The following BRD10 variants were observed in gnomAD, a reference collection of about 807,000 sequenced individuals.
BRD10 encodes bromodomain containing 10, also known as uncharacterized bromodomain-containing protein 10.
chr9:5,976,014 T>C, the BRD10 span, among the ~76,000 whole-genome samples: 2 of 152,056 alleles, frequency 1.3e-5, no homozygotes, highest in East Asian at 1.9e-4. Context: ...TAATGCCAAA[T>C]GGAAAAATCA....
chr9:5,976,212 G>A, the BRD10 span, among the ~76,000 whole-genome samples: 3 of 151,908 alleles, frequency 2.0e-5, no homozygotes, highest in African/African-American at 4.8e-5. Context: ...AAATAAGTCT[G>A]AAATCAATTT....
At chr9:5,985,795 A>T in the BRD10 span, among the ~76,000 whole-genome samples, 1 of 148,030 alleles carries the variant, frequency 6.8e-6, no homozygotes, top group Admixed American at 6.8e-5. Flanking sequence ...CAAAAAAAAT[A>T]AATAAATAAA....
At chr9:5,880,537 A>G in the BRD10 span, among the ~76,000 whole-genome samples, 2 of 151,822 alleles carry the variant, frequency 1.3e-5, no homozygotes, top group Non-Finnish European at 2.9e-5. Context: ...AAAACAAAAA[A>G]CAAACAAACA....
chr9:6,006,913 T>C, the BRD10 span, among the ~76,000 whole-genome samples: 1 of 152,198 alleles, frequency 6.6e-6, no homozygotes, highest in Non-Finnish European at 1.5e-5. Context: ...GTGCAATTCT[T>C]CCTACGGGAC....
the BRD10 span, among the ~76,000 whole-genome samples, chr9:5,893,421 G>C: frequency 6.6e-6 from 1 of 152,182 alleles, no homozygotes; most frequent in African/African-American, 2.4e-5. Context: ...AACAATCTTT[G>C]TTAACAGTCA....
At chr9:5,923,181 A>C in the BRD10 span, 255 of 1,613,944 alleles carry the variant, frequency 1.6e-4, 1 homozygote, top group Non-Finnish European at 1.9e-4. Flanking sequence ...TCATCCACAT[A>C]ATCAGTTTGT....
At chr9:5,902,566 G>A in the BRD10 span, among the ~76,000 whole-genome samples, 4 of 151,650 alleles carry the variant, frequency 2.6e-5, no homozygotes, top group East Asian at 7.7e-4. Flanking sequence ...CTGGGCTCAA[G>A]CACTCCAATC....
the BRD10 span, chr9:6,008,036 T>C: frequency 8.8e-7 from 1 of 1,137,264 alleles, no homozygotes; most frequent in Non-Finnish European, 1.1e-6. Flanking sequence ...TCCTCTCCCC[T>C]CCCCCCCGGC....
chr9:5,916,617 C>T, the BRD10 span, among the ~76,000 whole-genome samples: 1 of 151,056 alleles, frequency 6.6e-6, no homozygotes, highest in African/African-American at 2.4e-5. Flanking sequence ...AAAGGAAAAA[C>T]TTTTTGTGAG....
At chr9:5,952,544 G>C in the BRD10 span, among the ~76,000 whole-genome samples, 1 of 152,150 alleles carries the variant, frequency 6.6e-6, no homozygotes, top group African/African-American at 2.4e-5. Flanking sequence ...GCTTAAAAAA[G>C]AAACACTGGT....
At chr9:5,996,982 T>C in the BRD10 span, among the ~76,000 whole-genome samples, 1 of 152,200 alleles carries the variant, frequency 6.6e-6, no homozygotes, top group Admixed American at 6.5e-5. Flanking sequence ...TACCTTGGCT[T>C]CCTGTCCCTG....
the BRD10 span, among the ~76,000 whole-genome samples, chr9:5,995,711 G>C: frequency 6.6e-6 from 1 of 152,166 alleles, no homozygotes; most frequent in Non-Finnish European, 1.5e-5. Context: ...TTAAGAACTT[G>C]AATTGGACTT....
chr9:5,993,859 T>A, the BRD10 span, among the ~76,000 whole-genome samples: 1 of 152,152 alleles, frequency 6.6e-6, no homozygotes, highest in Non-Finnish European at 1.5e-5. Context: ...AAATGGAGAT[T>A]AACAGCACAG....
the BRD10 span, among the ~76,000 whole-genome samples, chr9:5,904,125 T>C: frequency 2.0e-5 from 3 of 152,220 alleles, no homozygotes; most frequent in African/African-American, 7.2e-5. Context: ...CCCAAAGTGC[T>C]TGGGATTACA....
chr9:5,922,939 G>T, the BRD10 span: 20 of 1,613,856 alleles, frequency 1.2e-5, no homozygotes, highest in Admixed American at 3.3e-5. Context: ...GATTTGTTAA[G>T]GTCACTTTAT....
the BRD10 span, among the ~76,000 whole-genome samples, chr9:5,912,023 A>G: frequency 1.3e-5 from 2 of 152,220 alleles, no homozygotes; most frequent in Non-Finnish European, 2.9e-5. Context: ...ATCTGTAAAC[A>G]TTGAATATCT....
chr9:5,983,476 C>CTT, the BRD10 span, among the ~76,000 whole-genome samples: 1 of 151,826 alleles, frequency 6.6e-6, no homozygotes, highest in Admixed American at 6.6e-5. Context: ...AGGAGAAAAA[C>CTT]AACAGAAAGA....
the BRD10 span, among the ~76,000 whole-genome samples, chr9:5,996,299 G>C: frequency 1.7e-5 from 1 of 59,654 alleles, no homozygotes; most frequent in Non-Finnish European, 5.4e-5. Context: ...TGAAGACCAT[G>C]TAACTTGGTT....
the BRD10 span, chr9:5,924,796 C>A: frequency 3.2e-6 from 5 of 1,566,796 alleles, no homozygotes; most frequent in South Asian, 6.2e-5. Context: ...TTAAATGTAT[C>A]ATGATCAGGT....
Sources: gnomAD v4.1 joint callset for allele counts (sites outside exome capture counted in the v4.1 genomes callset) on GRCh38, gnomAD v4.1.1 for gene constraint, MANE v1.5 for transcripts, NCBI Gene and HGNC (gene_info 2026-07-23, HGNC 2026-07-21) for gene names.